The following USP44 variants were observed in gnomAD, a reference collection of about 807,000 sequenced individuals.
The protein encoded by USP44 is ubiquitin specific peptidase 44.
A neutral mutation model predicts 69.0 loss-of-function variants in USP44; 61 were observed. The ratio of observed to expected loss-of-function variants is 0.88; its 90% CI spans 0.72 to 1.09. The LOEUF (loss-of-function observed/expected upper bound fraction) is 1.09, where lower values mean the gene tolerates loss of function less well. Among genes scored for constraint, USP44 ranks in the 50% least tolerant of loss-of-function variants. USP44 has a pLI of 0.00. For missense variants in USP44, 753 were observed against 849.9 expected, an observed-to-expected ratio of 0.89 and a Z score of 1.42; for synonymous variants, 297 against 295.4, an observed-to-expected ratio of 1.01 and a Z score of -0.06.
chr12:95,525,550 A>G (rs2076808961), intron 3 of USP44, among the ~76,000 whole-genome samples: 1 of 152,252 alleles, frequency 6.6e-6, no homozygotes, highest in Non-Finnish European at 1.5e-5. Flanking sequence ...CTAGTCAGAA[A>G]CCCAGAGGAA....
intron 4 of USP44, chr12:95,522,018 C>T (rs1205944825): frequency 6.1e-6 from 6 of 984,728 alleles, no homozygotes; most frequent in Non-Finnish European, 7.2e-6. Flanking sequence ...TGAAAGAATG[C>T]CCTTACCCTG....
intron 1 of USP44, among the ~76,000 whole-genome samples, chr12:95,543,981 A>AAG (rs2077484558): frequency 6.8e-6 from 1 of 147,198 alleles, no homozygotes; most frequent in African/African-American, 2.5e-5. Flanking sequence ...AAAAAAAAAA[A>AAG]AAAAAAAAGA....
At chr12:95,534,762 G>C (rs1237396194) in intron 1 of USP44, among the ~76,000 whole-genome samples, 1 of 149,960 alleles carries the variant, frequency 6.7e-6, no homozygotes, top group Non-Finnish European at 1.5e-5. Flanking sequence ...TGCAACCCCT[G>C]CCTCCTGGGC....
At chr12:95,537,847 AAC>A (rs2077256825) in intron 1 of USP44, among the ~76,000 whole-genome samples, 1 of 152,166 alleles carries the variant, frequency 6.6e-6, no homozygotes, top group South Asian at 2.1e-4. Flanking sequence ...TTGTAAAAAT[AAC>A]ATGTTTTAAA....
intron 1 of USP44, among the ~76,000 whole-genome samples, chr12:95,549,605 A>C (rs936004396): frequency 1.3e-5 from 2 of 152,228 alleles, no homozygotes; most frequent in Non-Finnish European, 2.9e-5. Flanking sequence ...TGTGGAGTGT[A>C]CTGAAAATTT....
intron 4 of USP44, among the ~76,000 whole-genome samples, chr12:95,522,821 T>G (rs1263359069): frequency 6.7e-6 from 1 of 148,236 alleles, no homozygotes; most frequent in African/African-American, 2.5e-5. Flanking sequence ...TGTATGCTAA[T>G]GAGACAACTA....
chr12:95,529,814 A>G (rs1254560992), intron 2 of USP44, among the ~76,000 whole-genome samples: 1 of 152,144 alleles, frequency 6.6e-6, no homozygotes, highest in Non-Finnish European at 1.5e-5. Context: ...GTAAAATACT[A>G]TCTTTTCATT....
chr12:95,529,562 A>G (rs910818698), intron 2 of USP44, among the ~76,000 whole-genome samples: 2 of 151,968 alleles, frequency 1.3e-5, no homozygotes, highest in African/African-American at 4.8e-5. Context: ...TAGCTGGACT[A>G]CAGGTGCCAG....
In USP44 at chr12:95,517,063, T is replaced by TA; in HGVS notation, c.*1090_*1091insT. The TA allele has an allele frequency of 6.6e-6, 1 of 151,698 alleles. No individual in the cohort carries two copies. The highest frequency in any genetic ancestry group is 2.4e-5 in the African/African-American group (1 of 41,118). The allele number at this position is 151,698 out of a possible 1,614,324, so 9.4% of individuals were successfully genotyped here. ...GAAAAAGAGTGACTCACACTGTATT[T>TA]TTTTTTGTGCAAGTTTAGATAGATA... is the stretch of plus-strand genomic sequence containing the variant. On this transcript the variant is annotated 3_prime_UTR_variant, in exon 6 of 6. Coordinates refer to ENST00000258499, the MANE Select transcript of USP44 (RefSeq NM_032147.5).
chr12:95,539,302 T>C (rs1377835887), intron 1 of USP44, among the ~76,000 whole-genome samples: 1 of 151,460 alleles, frequency 6.6e-6, no homozygotes, highest in Non-Finnish European at 1.5e-5. Context: ...CTAGGCTCAC[T>C]GCAAGCTCCG....
At position 95,528,891 on chromosome 12, in the gene USP44, G is replaced by A; in HGVS notation, c.1540C>T (p.Pro514Ser). 2.5e-6 allele frequency: 4 copies of A among 1,613,990 alleles called. No homozygotes were observed. Among genetic ancestry groups the A allele is most frequent in the Non-Finnish European group, 3.4e-6 (4 of 1,179,980 alleles). ...GCCAACATTTCAGTAACCAGACATG[G>A]CTGGGAAGCAATATCTTTTCCACTG... Reference protein sequence around the residue: ...QCSGKDIASQPCLVTEMLAKF... With the variant: ...QCSGKDIASQSCLVTEMLAKF... The change falls in exon 3 of 6, where the codon CCA (proline) becomes TCA (serine). Residue 514 changes from proline to serine, a missense_variant. Coordinates refer to ENST00000258499, the MANE Select transcript of USP44 (RefSeq NM_032147.5).
intron 1 of USP44, among the ~76,000 whole-genome samples, chr12:95,550,578 A>T (rs2077707353): frequency 6.6e-6 from 1 of 152,186 alleles, no homozygotes; most frequent in African/African-American, 2.4e-5. Flanking sequence ...TCTGGCATGC[A>T]ATATGGTTTT....
chr12:95,541,994 C>T (rs1168241819), intron 1 of USP44, among the ~76,000 whole-genome samples: 1 of 151,258 alleles, frequency 6.6e-6, no homozygotes, highest in Admixed American at 6.6e-5. Flanking sequence ...GATCCTCCCA[C>T]TTCAGCCTCC....
chr12:95,519,539 A>G (rs1308468626), intron 5 of USP44, among the ~76,000 whole-genome samples: 1 of 142,662 alleles, frequency 7.0e-6, no homozygotes, highest in East Asian at 2.1e-4. Flanking sequence ...TCCCGGGTTC[A>G]CGCCATTCTC....
intron 1 of USP44, among the ~76,000 whole-genome samples, chr12:95,541,794 C>T (rs1292968273): frequency 6.6e-6 from 1 of 151,968 alleles, no homozygotes; most frequent in Non-Finnish European, 1.5e-5. Context: ...TCAGCCCCAG[C>T]TAACTTCCAG....
At chr12:95,550,346 A>G (rs2077703652) in intron 1 of USP44, among the ~76,000 whole-genome samples, 1 of 152,178 alleles carries the variant, frequency 6.6e-6, no homozygotes, top group African/African-American at 2.4e-5. Context: ...GCAAATAAAG[A>G]TTAAAGGGAT....
chr12:95,521,261 G>A lies in USP44; in HGVS notation c.1734-59C>T. 4 of 1,505,776 alleles carry A rather than the reference G, an allele frequency of 2.7e-6. No homozygotes were observed. The Admixed American group carries it at 5.0e-5, about 19-fold the overall frequency. 93.3% of individuals were successfully genotyped at this position (1,505,776 alleles called of 1,614,324 possible). A position where few individuals can be genotyped will look rare whatever the true frequency, so the allele number is the denominator to read the frequency against. ...ATTAAGGGAAAATAACCACGTACTA[G>A]GTCTAGACACTTGTAACAGATGACC... On this transcript the variant is annotated intron_variant, in intron 4 of 5. Coordinates refer to ENST00000258499, the MANE Select transcript of USP44 (RefSeq NM_032147.5).
At chr12:95,549,261 C>T (rs1406844088) in intron 1 of USP44, among the ~76,000 whole-genome samples, 4 of 152,196 alleles carry the variant, frequency 2.6e-5, no homozygotes, top group African/African-American at 9.6e-5. Context: ...AAAACGTTTC[C>T]TTCTTGAAGC....
intron 5 of USP44, among the ~76,000 whole-genome samples, chr12:95,520,149 G>A (rs1177027996): frequency 1.3e-5 from 2 of 150,844 alleles, no homozygotes; most frequent in African/African-American, 4.9e-5. Context: ...GCTGTGTTGG[G>A]TGGGGGTGGG....
Sources: allele counts gnomAD v4.1 joint callset (sites outside exome capture counted in the v4.1 genomes callset), GRCh38; gene constraint gnomAD v4.1.1; transcripts MANE v1.5; gene names NCBI Gene and HGNC (gene_info 2026-07-23, HGNC 2026-07-21).